Variants in L3MBTL2 observed in about 807,000 individuals in gnomAD.
The protein encoded by L3MBTL2 is lethal(3)malignant brain tumor-like protein 2.
In L3MBTL2, 49 loss-of-function variants were observed where a neutral mutation model predicts 86.4. That is an observed-to-expected ratio of 0.57 (90% CI 0.45 to 0.72). The LOEUF (loss-of-function observed/expected upper bound fraction) is 0.72, where lower values mean the gene tolerates loss of function less well. Among genes scored for constraint, L3MBTL2 ranks in the 30% least tolerant of loss-of-function variants. The probability of loss-of-function intolerance (pLI) is 0.00; values close to 1 mark genes in which losing one functional copy is unlikely to be tolerated. For synonymous variants in L3MBTL2, 336 were observed against 350.6 expected, an observed-to-expected ratio of 0.96 and a Z score of 0.47; for missense variants, 755 against 923.7, an observed-to-expected ratio of 0.82 and a Z score of 2.37.
intron 2 of L3MBTL2, among the ~76,000 whole-genome samples, chr22:41,210,524 T>A (rs1398446402): frequency 6.6e-6 from 1 of 152,188 alleles, no homozygotes; most frequent in Non-Finnish European, 1.5e-5. Flanking sequence ...AGAGACAGGG[T>A]TTCACCACGT....
In L3MBTL2 at chr22:41,221,156, T is replaced by TA; in HGVS notation, c.854-43_854-42insA. On this transcript the variant is annotated intron_variant, in intron 7 of 16. Transcript: ENST00000216237. Reference sequence around the variant, plus strand: ...GCGCTAGCGCCCCTGTCAGTGGAGGTTTGTCAGTCTGTGTAACCAGGATTC... The same window carrying TA: ...GCGCTAGCGCCCCTGTCAGTGGAGGTATTGTCAGTCTGTGTAACCAGGATTC... 4 of 1,499,290 alleles carry TA rather than the reference T, an allele frequency of 2.7e-6. No homozygotes were observed. In the East Asian group the frequency reaches 7.5e-5, roughly 28 times the overall value. The allele number at this position is 1,499,290 out of a possible 1,614,324, so 92.9% of individuals were successfully genotyped here. A position where few individuals can be genotyped will look rare whatever the true frequency, so the allele number is the denominator to read the frequency against.
Position 41,227,733 on chromosome 22 carries a change from G to A in L3MBTL2, c.1823-71G>A. ...TGTGGGAGGGTGGATGGGGTCTCGG[G>A]ATGCGCCTGTGCCCTGTGTCCTCCC... On this transcript the variant is annotated intron_variant, in intron 14 of 16. Coordinates refer to ENST00000216237, the MANE Select transcript of L3MBTL2 (RefSeq NM_031488.5). This position sits in a 1 kb window ranked among gnomAD's most constrained non-coding sequence, Gnocchi z 6.0. 1 of 1,610,076 alleles carries A rather than the reference G, an allele frequency of 6.2e-7. No homozygotes were observed. The highest frequency in any genetic ancestry group is 8.5e-7 in the Non-Finnish European group (1 of 1,177,624).
At chr22:41,207,279 T>C (rs2030310304) in intron 1 of L3MBTL2, among the ~76,000 whole-genome samples, 4 of 147,830 alleles carry the variant, frequency 2.7e-5, no homozygotes, top group African/African-American at 1.0e-4. Flanking sequence ...GGTTGCTCTC[T>C]GTCACCCAGG....
chr22:41,217,395 G>A, intron 5 of L3MBTL2, 193 bp downstream of exon 5: 1 of 576,200 alleles, frequency 1.7e-6, no homozygotes, highest in Non-Finnish European at 3.1e-6. Flanking sequence ...TCTATCACCT[G>A]CTTGGCTTCA....
intron 8 of L3MBTL2, among the ~76,000 whole-genome samples, chr22:41,222,062 T>G (rs1222400542): frequency 6.6e-6 from 1 of 151,810 alleles, no homozygotes; most frequent in African/African-American, 2.4e-5. Context: ...ACCACCATAC[T>G]TGGCTAATTT....
rs1214209269 is a variant in L3MBTL2 at position 41,230,267 on chromosome 22, G to A, written c.*16G>A. On this transcript the variant is annotated 3_prime_UTR_variant, in exon 17 of 17. Coordinates refer to ENST00000216237, the MANE Select transcript of L3MBTL2 (RefSeq NM_031488.5). ...AGACGACTGAGCCTTCCTGCCTCCA[G>A]CCTGGCTTCTAGCTGGAAGCCAGCC... is the stretch of plus-strand genomic sequence containing the variant. The A allele has an allele frequency of 1.2e-6, 2 of 1,600,628 alleles. No homozygotes were observed. The highest frequency in any genetic ancestry group is 2.2e-5 in the South Asian group (2 of 90,726).
Position 41,227,304 on chromosome 22 carries a change from C to T in L3MBTL2, c.1803C>T (p.Leu601=), listed in dbSNP as rs1256348358. 3 of 1,604,386 alleles carry T rather than the reference C, an allele frequency of 1.9e-6. No individual in the cohort carries two copies. Among genetic ancestry groups the T allele is most frequent in the Non-Finnish European group, 2.6e-6 (3 of 1,175,890 alleles). The change falls in exon 14 of 17, where the codon CTC becomes CTT. Residue 601 remains leucine (L), a synonymous_variant. Transcript: ENST00000216237. This position sits in a 1 kb window ranked among gnomAD's most constrained non-coding sequence, Gnocchi z 6.0. ...GGTGTGAGCTCACCGGCTACCAGCT[C>T]CAGCCTCCTGTGGCCGCAGGTGTGG... ...VGWCELTGYQ[L]QPPVAAEPAT... is the part of the protein sequence containing the mutation.
chr22:41,221,307 C>G lies in L3MBTL2; in HGVS notation c.942+20C>G, dbSNP rs1282836473. 1 of 1,543,030 alleles carries G rather than the reference C, an allele frequency of 6.5e-7. No individual in the cohort carries two copies. Among genetic ancestry groups the G allele is most frequent in the Non-Finnish European group, 8.8e-7 (1 of 1,139,214 alleles). On this transcript the variant is annotated intron_variant, in intron 8 of 16. Coordinates refer to ENST00000216237, the MANE Select transcript of L3MBTL2 (RefSeq NM_031488.5). ...ATCAAGGTCGGCAGTGAGCCCTTAA[C>G]TGATGTGCCTCCTTCCGCTCTTCCA... is the stretch of plus-strand genomic sequence containing the variant.
intron 2 of L3MBTL2, among the ~76,000 whole-genome samples, chr22:41,212,957 G>A (rs1038437737): frequency 2.0e-5 from 3 of 151,344 alleles, no homozygotes; most frequent in Admixed American, 6.6e-5. Context: ...ATTGGCTCAC[G>A]CCTGTAATCC....
intron 5 of L3MBTL2, 175 bp downstream of exon 5, chr22:41,217,377 C>T: frequency 3.3e-6 from 2 of 597,116 alleles, no homozygotes; most frequent in South Asian, 2.0e-5. Flanking sequence ...AATCCTCCTA[C>T]AAACACTTCT....
At chr22:41,205,450 C>T in intron 1 of L3MBTL2, 64 bp downstream of exon 1, 2 of 1,590,962 alleles carry the variant, frequency 1.3e-6, no homozygotes, top group Non-Finnish European at 1.7e-6. Context: ...TCCGTGGGCC[C>T]TTCTTTAGGG....
rs1302647037 is a variant in L3MBTL2 at position 41,227,399 on chromosome 22, C to G, written c.1822+76C>G. ...TTTCCTTCTTCCCCCGCCCCTGTGC[C>G]CATCTCCGTTCTTTGGCATGAGGTG... On this transcript the variant is annotated intron_variant, in intron 14 of 16. Coordinates refer to ENST00000216237, the MANE Select transcript of L3MBTL2 (RefSeq NM_031488.5). This position sits in a 1 kb window ranked among gnomAD's most constrained non-coding sequence, Gnocchi z 6.0. 3 of 1,402,946 alleles carry G rather than the reference C, an allele frequency of 2.1e-6. No homozygotes were observed. The South Asian group carries it at 3.7e-5, about 17-fold the overall frequency. The allele number at this position is 1,402,946 out of a possible 1,614,324, so 86.9% of individuals were successfully genotyped here.
intron 3 of L3MBTL2, among the ~76,000 whole-genome samples, chr22:41,215,043 G>T (rs1009443053): frequency 6.6e-6 from 1 of 152,132 alleles, no homozygotes; most frequent in Admixed American, 6.6e-5. Flanking sequence ...GAAAGGTTCT[G>T]ATTTAACTGG....
chr22:41,208,777 C>T (rs1000868896), intron 1 of L3MBTL2, among the ~76,000 whole-genome samples: 32 of 152,264 alleles, frequency 2.1e-4, no homozygotes, highest in Middle Eastern at 3.4e-3. Context: ...CAGCATCTCA[C>T]TCCATTACCA....
chr22:41,217,054 T>G (rs1463976479), intron 4 of L3MBTL2, 69 bp from the exon 5 acceptor site: 1 of 1,322,498 alleles, frequency 7.6e-7, no homozygotes, highest in Non-Finnish European at 1.1e-6. Context: ...CACAGGGCCC[T>G]TGGGGTCCAG....
Position 41,230,221 on chromosome 22 carries a change from C to T in L3MBTL2, c.2088C>T (p.Val696=), listed in dbSNP as rs145649779. 2.0e-5 allele frequency: 32 copies of T among 1,613,676 alleles called. No individual in the cohort carries two copies. The highest frequency in any genetic ancestry group is 1.6e-4 in the Middle Eastern group (1 of 6,084). ...KASSPELPVS[V]ENIKQETDD ...CAAGTCCAGAGCTGCCTGTCTCCGT[C>T]GAGAACATCAAGCAGGAAACAGACG... The change falls in exon 17 of 17, where the codon GTC becomes GTT. Residue 696 remains valine, a synonymous_variant. Coordinates refer to ENST00000216237, the MANE Select transcript of L3MBTL2 (RefSeq NM_031488.5).
chr22:41,206,034 G>C (rs901118772), intron 1 of L3MBTL2: 1 of 152,326 alleles, frequency 6.6e-6, no homozygotes, highest in African/African-American at 2.4e-5. Context: ...CACCTAGGCT[G>C]GAGTGCAGTG....
At chr22:41,220,923 AGAGTCCTCTGCTTGTGTTAGGTAGAATGG>A in intron 7 of L3MBTL2, 55 bp downstream of exon 7, 1 of 1,562,640 alleles carries the variant, frequency 6.4e-7, no homozygotes. Context: ...TGGTAGAGGG[AGAGTCCTCTGCTTGTGTTAGGTAGAATGG>A]GAGTCCTCTG....
intron 2 of L3MBTL2, among the ~76,000 whole-genome samples, chr22:41,213,292 G>T (rs1214358302): frequency 2.0e-5 from 3 of 152,070 alleles, no homozygotes; most frequent in Admixed American, 6.6e-5. Context: ...AGCCACAGAG[G>T]TTAAGTGACT....
Sources: allele counts gnomAD v4.1 joint callset (sites outside exome capture counted in the v4.1 genomes callset), GRCh38; gene constraint gnomAD v4.1.1; non-coding constraint Gnocchi (gnomAD v3.1); transcripts MANE v1.5; gene names NCBI Gene and HGNC (gene_info 2026-07-23, HGNC 2026-07-21).